The following ANKRD30BL variants were observed in gnomAD, a reference collection of about 807,000 sequenced individuals.
ANKRD30BL encodes the protein putative ankyrin repeat domain-containing protein 30B-like.
A neutral mutation model predicts 18.4 loss-of-function variants in ANKRD30BL; 20 were observed. That is an observed-to-expected ratio of 1.09 (90% CI 0.77 to 1.58). The LOEUF is 1.58. Among genes scored for constraint, ANKRD30BL ranks in the 40% most tolerant of loss-of-function variants. The pLI is 0.00. For missense variants in ANKRD30BL, 224 were observed against 268.6 expected (o/e 0.83, Z 1.16); for synonymous variants, 72 against 100.9 (o/e 0.71, Z 1.72).
In ANKRD30BL at chr2:132,161,497, G is replaced by T. The variant is rs568587234; in HGVS notation, c.209C>A (p.Ala70Glu). 16 of 1,455,974 alleles carry T rather than the reference G, an allele frequency of 1.1e-5. No individual in the cohort carries two copies. The highest frequency in any genetic ancestry group is 1.4e-5 in the African/African-American group (1 of 70,748). The allele number at this position is 1,455,974 out of a possible 1,614,324, so 90.2% of individuals were successfully genotyped here. The change falls in exon 1 of 6, where the codon GCG becomes GAG. Residue 70 changes from alanine to glutamate, a missense_variant. Coordinates refer to ENST00000409867, the MANE Select transcript of ANKRD30BL (RefSeq NM_001358416.1). Reference sequence around the variant, plus strand: ...AGGCAGGGCCTGGTACCTCTTCTTCGCATCTCTTATGTTCAGGTCCATTGT... The same window carrying T: ...AGGCAGGGCCTGGTACCTCTTCTTCTCATCTCTTATGTTCAGGTCCATTGT... The part of the protein sequence containing the change: ...KTTMDLNIRD[A>E]KKRTALYWAC...
At chr2:132,225,910 A>G (rs1679832106) in intron 1 of ANKRD30BL, among the ~76,000 whole-genome samples, 1 of 152,092 alleles carries the variant, frequency 6.6e-6, no homozygotes, top group South Asian at 2.1e-4. Flanking sequence ...CACAGAGTTG[A>G]ACCTTTCTTT....
At chr2:132,153,205 A>G (rs1479743837) in intron 4 of ANKRD30BL, among the ~76,000 whole-genome samples, 1 of 152,160 alleles carries the variant, frequency 6.6e-6, no homozygotes, top group Non-Finnish European at 1.5e-5. Context: ...CCTTGGACTT[A>G]GGTTCAGATT....
At chr2:132,234,154 A>T (rs1680090857) in intron 1 of ANKRD30BL, among the ~76,000 whole-genome samples, 1 of 152,196 alleles carries the variant, frequency 6.6e-6, no homozygotes, top group African/African-American at 2.4e-5. Flanking sequence ...CAAAGACACA[A>T]CATACCAGAA....
At chr2:132,161,443 G>A (rs551707599) in intron 1 of ANKRD30BL, 45 bp downstream of exon 1, 33 of 1,409,020 alleles carry the variant, frequency 2.3e-5, no homozygotes, top group Admixed American at 5.9e-5. Context: ...TCCTCCCACA[G>A]CCTCCTCCTC....
At chr2:132,231,445 G>A (rs1364975526) in intron 1 of ANKRD30BL, among the ~76,000 whole-genome samples, 2 of 152,208 alleles carry the variant, frequency 1.3e-5, no homozygotes, top group East Asian at 1.9e-4. Flanking sequence ...ATCTCACTAG[G>A]GAGTGCTAGA....
intron 1 of ANKRD30BL, among the ~76,000 whole-genome samples, chr2:132,233,121 A>T (rs1279353429): frequency 2.0e-5 from 3 of 151,250 alleles, no homozygotes; most frequent in Non-Finnish European, 4.4e-5. Context: ...AATACTTTAC[A>T]GACAAGCAAA....
intron 1 of ANKRD30BL, among the ~76,000 whole-genome samples, chr2:132,245,040 T>C (rs1680455947): frequency 6.6e-6 from 1 of 152,294 alleles, no homozygotes; most frequent in South Asian, 2.1e-4. Flanking sequence ...ACACTGTTCT[T>C]GTAGAATTTA....
chr2:132,229,779 G>C (rs1320507261), intron 1 of ANKRD30BL, among the ~76,000 whole-genome samples: 1 of 151,106 alleles, frequency 6.6e-6, no homozygotes, highest in East Asian at 2.0e-4. Context: ...ACTATGGTGG[G>C]AAAGGAAATA....
At chr2:132,175,599 G>A (rs1467024743) in intron 1 of ANKRD30BL, among the ~76,000 whole-genome samples, 6 of 152,188 alleles carry the variant, frequency 3.9e-5, no homozygotes, top group Non-Finnish European at 8.8e-5. Flanking sequence ...GACCCTTTAC[G>A]GGTGTTGGGC....
At chr2:132,200,084 A>T (rs1679064604) in intron 1 of ANKRD30BL, among the ~76,000 whole-genome samples, 1 of 152,146 alleles carries the variant, frequency 6.6e-6, no homozygotes, top group African/African-American at 2.4e-5. Context: ...TCTTTGACAA[A>T]ATTCAACAAC....
At chr2:132,150,087 C>T (rs1687716329) in intron 5 of ANKRD30BL, among the ~76,000 whole-genome samples, 1 of 152,020 alleles carries the variant, frequency 6.6e-6, no homozygotes, top group South Asian at 2.1e-4. Flanking sequence ...GATCAGCACC[C>T]TAACTCTCAT....
intron 1 of ANKRD30BL, among the ~76,000 whole-genome samples, chr2:132,214,561 C>A (rs1679440703): frequency 6.6e-6 from 1 of 151,718 alleles, no homozygotes; most frequent in South Asian, 2.1e-4. Flanking sequence ...GCATTCATAT[C>A]ATGGAGTTGA....
At chr2:132,256,813 CCGGGTTTGGT>C (rs954274560) in intron 1 of ANKRD30BL, among the ~76,000 whole-genome samples, 5 of 152,222 alleles carry the variant, frequency 3.3e-5, no homozygotes, top group African/African-American at 1.2e-4. Flanking sequence ...CCAGGCAGAG[CCGGGTTTGGT>C]CCCAGACGGG....
At chr2:132,250,287 A>G (rs543539692) in intron 1 of ANKRD30BL, among the ~76,000 whole-genome samples, 1,638 of 152,240 alleles carry the variant, frequency 0.011, 30 homozygotes, top group African/African-American at 0.037. Context: ...AGACATCACA[A>G]AGCAGTTTCT....
intron 1 of ANKRD30BL, among the ~76,000 whole-genome samples, chr2:132,198,316 CTTTCTTTCTTTTTTT>C (rs1679014206): frequency 8.7e-5 from 1 of 11,532 alleles, no homozygotes; most frequent in Admixed American, 6.9e-4. Context: ...TTCTTTCTTT[CTTTCTTTCTTTTTTT>C]TTTTTTTTTT....
chr2:132,173,645 GA>G, intron 1 of ANKRD30BL, among the ~76,000 whole-genome samples: 1 of 151,782 alleles, frequency 6.6e-6, no homozygotes, highest in South Asian at 2.1e-4. Context: ...TGTTTTTGGG[GA>G]AAAAAATCTG....
chr2:132,202,352 G>A (rs949973304), intron 1 of ANKRD30BL, among the ~76,000 whole-genome samples: 1 of 151,952 alleles, frequency 6.6e-6, no homozygotes, highest in Admixed American at 6.6e-5. Context: ...ATTATAAAAT[G>A]CCTCATGGAA....
chr2:132,224,191 A>G (rs2104774561), intron 1 of ANKRD30BL, among the ~76,000 whole-genome samples: 1 of 152,258 alleles, frequency 6.6e-6, no homozygotes, highest in African/African-American at 2.4e-5. Context: ...GTGTGCATTC[A>G]ACTCACAGAG....
At chr2:132,204,538 T>C (rs1242220505) in intron 1 of ANKRD30BL, among the ~76,000 whole-genome samples, 3 of 151,588 alleles carry the variant, frequency 2.0e-5, no homozygotes, top group Non-Finnish European at 2.9e-5. Context: ...AGATAGAAGT[T>C]TTTGAGATGC....
Sources: gnomAD v4.1 joint callset for allele counts (sites outside exome capture counted in the v4.1 genomes callset) on GRCh38, gnomAD v4.1.1 for gene constraint, MANE v1.5 for transcripts, NCBI Gene and HGNC (gene_info 2026-07-23, HGNC 2026-07-21) for gene names.